STPG2: variants seen among roughly 807,000 people sequenced by gnomAD.
The protein encoded by STPG2 is sperm-tail PG-rich repeat-containing protein 2.
STPG2 carries 56 observed loss-of-function variants against 54.2 expected under a neutral mutation model. The observed-to-expected ratio is 1.03, with a 90% CI of 0.83 to 1.29. STPG2 has a LOEUF of 1.29. Ranked by LOEUF, STPG2 falls within the 50% of genes most tolerant of loss-of-function variation. The pLI is 0.00. For synonymous variants in STPG2, 200 were observed against 181.8 expected, an observed-to-expected ratio of 1.10 and a Z score of -0.81; for missense variants, 596 against 544.9, an observed-to-expected ratio of 1.09 and a Z score of -0.93.
At chr4:97,744,038 C>A (rs958254583) in intron 9 of STPG2, among the ~76,000 whole-genome samples, 3 of 151,276 alleles carry the variant, frequency 2.0e-5, no homozygotes, top group African/African-American at 2.4e-5. Context: ...ATACATAGGT[C>A]GAAGCCTTTG....
intron 5 of STPG2, among the ~76,000 whole-genome samples, chr4:97,997,686 G>C (rs1735287423): frequency 6.6e-6 from 1 of 152,166 alleles, no homozygotes; most frequent in Non-Finnish European, 1.5e-5. Context: ...TACAATACAA[G>C]AATAAGATCA....
chr4:97,771,073 T>G (rs1328743550), intron 9 of STPG2, among the ~76,000 whole-genome samples: 1 of 152,188 alleles, frequency 6.6e-6, no homozygotes. Flanking sequence ...GATTTGGTTT[T>G]GAGGAAAATT....
At chr4:97,894,141 A>C (rs1730871767) in intron 8 of STPG2, among the ~76,000 whole-genome samples, 1 of 152,000 alleles carries the variant, frequency 6.6e-6, no homozygotes, top group Non-Finnish European at 1.5e-5. Context: ...AAGATGAACC[A>C]TATTCTAGAT....
At chr4:97,790,976 C>A (rs1726971937) in intron 9 of STPG2, among the ~76,000 whole-genome samples, 1 of 152,114 alleles carries the variant, frequency 6.6e-6, no homozygotes, top group Non-Finnish European at 1.5e-5. Context: ...TCCTAATATT[C>A]CATCAGTTAC....
intron 9 of STPG2, among the ~76,000 whole-genome samples, chr4:97,814,948 G>T (rs1322722936): frequency 1.3e-5 from 2 of 152,012 alleles, no homozygotes; most frequent in African/African-American, 2.4e-5. Context: ...CATTAGTTCT[G>T]TCCCTCTAGA....
chr4:97,903,803 G>A (rs1314514366), intron 8 of STPG2, among the ~76,000 whole-genome samples: 1 of 152,232 alleles, frequency 6.6e-6, no homozygotes, highest in African/African-American at 2.4e-5. Context: ...CAAGGGGTCA[G>A]GGAGTTCCCT....
At chr4:97,690,196 G>C (rs554139525) in intron 10 of STPG2, among the ~76,000 whole-genome samples, 1 of 151,982 alleles carries the variant, frequency 6.6e-6, no homozygotes, top group African/African-American at 2.4e-5. Context: ...CAGTAAATTA[G>C]AGTAATTGAT....
chr4:97,957,881 C>G (rs531636201), intron 7 of STPG2, among the ~76,000 whole-genome samples: 2 of 152,204 alleles, frequency 1.3e-5, no homozygotes, highest in African/African-American at 2.4e-5. Context: ...GAGAATTTGC[C>G]ACTACCAGGC....
At chr4:98,013,878 C>T (rs1450521142) in intron 5 of STPG2, among the ~76,000 whole-genome samples, 2 of 151,804 alleles carry the variant, frequency 1.3e-5, no homozygotes, top group African/African-American at 2.4e-5. Context: ...ATTAATGTAG[C>T]TAGTGGTCTA....
chr4:97,985,594 C>A (rs1247441659), intron 5 of STPG2, among the ~76,000 whole-genome samples: 1 of 152,072 alleles, frequency 6.6e-6, no homozygotes, highest in Non-Finnish European at 1.5e-5. Flanking sequence ...TGTGTTATTT[C>A]TTTTTCTATC....
At chr4:97,956,015 T>TA (rs1733658742) in intron 7 of STPG2, among the ~76,000 whole-genome samples, 1 of 152,004 alleles carries the variant, frequency 6.6e-6, no homozygotes, top group African/African-American at 2.4e-5. Flanking sequence ...CCATTTTTCA[T>TA]AAAAATGCAA....
chr4:97,697,878 C>T (rs765445584), intron 10 of STPG2, among the ~76,000 whole-genome samples: 27 of 152,294 alleles, frequency 1.8e-4, no homozygotes, highest in Non-Finnish European at 3.5e-4. Flanking sequence ...GAACCCATCC[C>T]TTTGTTTCGG....
intron 4 of STPG2, among the ~76,000 whole-genome samples, chr4:97,539,193 T>C (rs907779994): frequency 6.6e-6 from 1 of 152,130 alleles, no homozygotes; most frequent in Non-Finnish European, 1.5e-5. Context: ...CACATAACAA[T>C]ATTAACCTTA....
intron 4 of STPG2, among the ~76,000 whole-genome samples, chr4:97,514,948 T>A (rs1731044784): frequency 1.3e-5 from 2 of 152,082 alleles, no homozygotes; most frequent in Admixed American, 1.3e-4. Flanking sequence ...GGATGAATTG[T>A]TTGAAACATG....
chr4:97,641,405 T>G (rs566147474), intron 10 of STPG2, among the ~76,000 whole-genome samples: 3 of 149,608 alleles, frequency 2.0e-5, no homozygotes, highest in Admixed American at 6.6e-5. Flanking sequence ...TAATGATACA[T>G]CATAGCACTT....
chr4:97,868,573 G>T (rs1729873194), intron 8 of STPG2, among the ~76,000 whole-genome samples: 1 of 151,736 alleles, frequency 6.6e-6, no homozygotes, highest in Non-Finnish European at 1.5e-5. Flanking sequence ...CCAACCAAAG[G>T]CTCTCCTGTC....
At chr4:97,839,585 TGTAA>T (rs1353769329) in intron 9 of STPG2, among the ~76,000 whole-genome samples, 7 of 151,578 alleles carry the variant, frequency 4.6e-5, no homozygotes, top group Non-Finnish European at 8.9e-5. Context: ...CACAGTTGAG[TGTAA>T]TCAGGGACAC....
intron 4 of STPG2, among the ~76,000 whole-genome samples, chr4:97,507,647 A>T (rs1296874240): frequency 1.3e-5 from 2 of 152,012 alleles, no homozygotes; most frequent in African/African-American, 2.4e-5. Flanking sequence ...CTATGAATTC[A>T]GGGGTTTCCA....
chr4:97,690,162 G>A (rs1353396756), intron 10 of STPG2, among the ~76,000 whole-genome samples: 1 of 152,120 alleles, frequency 6.6e-6, no homozygotes, highest in Non-Finnish European at 1.5e-5. Flanking sequence ...TTTACAAGGT[G>A]AAAACTGTCA....
Sources: allele counts gnomAD v4.1 joint callset (sites outside exome capture counted in the v4.1 genomes callset), GRCh38; gene constraint gnomAD v4.1.1; transcripts MANE v1.5; gene names NCBI Gene and HGNC (gene_info 2026-07-23, HGNC 2026-07-21).